The following MACF1 variants were observed in gnomAD, a reference collection of about 807,000 sequenced individuals.
MACF1 encodes the protein microtubule-actin cross-linking factor 1.
In MACF1, 193 loss-of-function variants were observed where a neutral mutation model predicts 854.8. The ratio of observed to expected loss-of-function variants is 0.23; its 90% CI spans 0.20 to 0.25. The LOEUF is 0.25. MACF1 is among the 10% of genes least tolerant of loss of function. The probability of loss-of-function intolerance (pLI) is 1.00; values close to 1 mark genes in which losing one functional copy is unlikely to be tolerated. For synonymous variants in MACF1, 3,185 were observed against 3,226.7 expected (o/e 0.99, Z 0.44); for missense variants, 7,722 against 8,929.1 (o/e 0.86, Z 5.45).
intron 31 of MACF1, 138 bp from the exon 32 acceptor site, chr1:39,322,470 T>A: frequency 1.5e-6 from 1 of 671,470 alleles, no homozygotes; most frequent in East Asian, 2.7e-5. Flanking sequence ...CTGTCTGGCC[T>A]TTTACAGGAA....
rs537125431 is a variant in MACF1 at position 39,327,126 on chromosome 1, A to G, written c.4479-92A>G. The stretch of plus-strand genomic sequence containing the variant: ...GAATATGGAAGAAGATCATCCATCC[A>G]AGATGAAGAAGTAGCAATTTTGAAG... On this transcript the variant is annotated intron_variant, in intron 35 of 100. Coordinates refer to ENST00000564288, the MANE Select transcript of MACF1 (RefSeq NM_001394062.1). 73 of 1,258,792 alleles carry G rather than the reference A, an allele frequency of 5.8e-5. 2 individuals carry two copies. The South Asian group carries it at 1.1e-3, about 19-fold the overall frequency. 78.0% of individuals were successfully genotyped at this position (1,258,792 alleles called of 1,614,324 possible). A position where few individuals can be genotyped will look rare whatever the true frequency, so the allele number is the denominator to read the frequency against.
Position 39,334,281 on chromosome 1 carries a change from C to T in MACF1, c.7693C>T (p.Leu2565Phe), listed in dbSNP as rs1177305469. 6.2e-6 allele frequency: 10 copies of T among 1,613,820 alleles called. No homozygotes were observed. The highest frequency in any genetic ancestry group is 7.6e-6 in the Non-Finnish European group (9 of 1,179,878). Residue 2565 changes from leucine (L) to phenylalanine (F), a missense_variant, in exon 37 of 101, where the codon CTT (leucine) becomes TTT (phenylalanine). Leu to Phe is a conservative substitution (Grantham distance 22). Around this residue, in one of 15 missense-constraint regions of MACF1, gnomAD observed 1,531 missense variants for 1,601.6 expected, o/e 0.96. Transcript: ENST00000564288. ...CCTCCCTAAAGCCATAAAATTAGAT[C>T]TTATTACCTCAGACCTGAAAAGAGA... ...ISLPKAIKLDLITSDLKREIQ... is the reference protein window; with the variant it reads ...ISLPKAIKLDFITSDLKREIQ...
intron 96 of MACF1, 132 bp downstream of exon 96, chr1:39,468,864 C>T (rs1053620804): frequency 2.5e-6 from 2 of 790,084 alleles, no homozygotes; most frequent in Non-Finnish European, 4.2e-6. Context: ...TGTCATCCCA[C>T]TAGCACAGAT....
At position 39,183,074 on chromosome 1, in the gene MACF1, A is replaced by G. The variant is rs146448258; in HGVS notation, c.221-48108A>G. ...GCTAACATGGATCAACCTTGAGAAC[A>G]TTAGACTAAGTGAAAGAAGCCAGAC... On this transcript the variant is annotated intron_variant, in intron 2 of 93. Transcript: ENST00000361689. Among the ~76,000 whole-genome samples the G allele has an allele frequency of 3.3e-3, 499 of 152,340 alleles. 7 individuals carry two copies. The highest frequency in any genetic ancestry group is 0.012 in the African/African-American group (487 of 41,578).
chr1:39,128,019 C>G (rs1461412768), intron 2 of MACF1, among the ~76,000 whole-genome samples: 2 of 152,200 alleles, frequency 1.3e-5, no homozygotes, highest in South Asian at 2.1e-4. Flanking sequence ...TTTTCTCCAC[C>G]TAGGCCCACT....
At chr1:39,253,634 C>T (rs1645066628) in intron 4 of MACF1, among the ~76,000 whole-genome samples, 1 of 151,502 alleles carries the variant, frequency 6.6e-6, no homozygotes, top group Non-Finnish European at 1.5e-5. Context: ...GTGCTTCAGC[C>T]TCCCAGATAT....
chr1:39,366,550 T>C (rs933749945), intron 49 of MACF1, among the ~76,000 whole-genome samples: 5 of 152,306 alleles, frequency 3.3e-5, no homozygotes, highest in Middle Eastern at 6.8e-3. Context: ...AGTTGATTAC[T>C]AAGATTGAGC....
At chr1:39,222,815 C>G (rs1164109248) in intron 1 of MACF1, among the ~76,000 whole-genome samples, 1 of 152,112 alleles carries the variant, frequency 6.6e-6, no homozygotes, top group Non-Finnish European at 1.5e-5. Flanking sequence ...TTCTGGGCTT[C>G]TTGAAGCACT....
At chr1:39,162,070 T>TC in intron 2 of MACF1, among the ~76,000 whole-genome samples, 1 of 151,668 alleles carries the variant, frequency 6.6e-6, no homozygotes, top group Admixed American at 6.6e-5. Flanking sequence ...TCTCTGTCTT[T>TC]TTTTTTTGCA....
upstream of MACF1, among the ~76,000 whole-genome samples, chr1:39,202,352 G>A (rs1236648839): frequency 6.6e-6 from 1 of 151,026 alleles, no homozygotes; most frequent in African/African-American, 2.4e-5. Context: ...TTGGCTAGGT[G>A]CTGGCCGGGC....
chr1:39,433,011 G>T (rs988831400), intron 67 of MACF1, 37 bp from the exon 68 acceptor site: 9 of 1,293,382 alleles, frequency 7.0e-6, no homozygotes, highest in Non-Finnish European at 9.9e-6. Flanking sequence ...CAGGAAAAGG[G>T]TCTTTTTACT....
Position 39,322,941 on chromosome 1 carries a change from T to C in MACF1, c.4169T>C (p.Leu1390Ser), listed in dbSNP as rs757426085. The C allele has an allele frequency of 6.2e-7, 1 of 1,614,148 alleles. No individual in the cohort carries two copies. Among genetic ancestry groups the C allele is most frequent in the South Asian group, 1.1e-5 (1 of 91,088 alleles). The change falls in exon 33 of 101, where the codon TTG becomes TCG. Residue 1390 changes from leucine to serine, a missense_variant. Leu to Ser is a moderately radical substitution (Grantham distance 145). This residue lies in a region of MACF1 where 1,137 missense variants were observed against 1,263.0 expected (regional missense o/e 0.90). Transcript: ENST00000564288. ...FMDLRTRYTA[L>S]VTLTTQHVKY... ...GACTTAAGGACTCGCTACACGGCAT[T>C]GGTGACTTTAACAACTCAGCACGTG...
In MACF1 at chr1:39,285,643, G is replaced by A; in HGVS notation, c.1393G>A (p.Glu465Lys). 1.2e-6 allele frequency: 2 copies of A among 1,614,068 alleles called. No individual in the cohort carries two copies. The highest frequency in any genetic ancestry group is 1.1e-5 in the South Asian group (1 of 91,080). ...HLESGQPVQC[E>K]SDVIMYIQEC... Reference sequence around the variant, plus strand: ...GGAATCAGGACAACCGGTACAATGTGAGTCAGATGTCATTATGTACATTCA... The same window carrying A: ...GGAATCAGGACAACCGGTACAATGTAAGTCAGATGTCATTATGTACATTCA... Residue 465 changes from glutamate (E) to lysine (K), a missense_variant, in exon 14 of 101, where the codon GAG (glutamate) becomes AAG (lysine). Around this residue, in one of 15 missense-constraint regions of MACF1, gnomAD observed 1,137 missense variants for 1,263.0 expected, o/e 0.90. Coordinates refer to ENST00000564288, the MANE Select transcript of MACF1 (RefSeq NM_001394062.1).
chr1:39,201,329 CAGT>C (rs1557514907), upstream of MACF1, among the ~76,000 whole-genome samples: 1 of 152,068 alleles, frequency 6.6e-6, no homozygotes, highest in East Asian at 1.9e-4. Context: ...TCTTATCTCT[CAGT>C]AGTATGATCT....
chr1:39,434,188 A>G (rs1433277464), intron 68 of MACF1, among the ~76,000 whole-genome samples: 1 of 152,104 alleles, frequency 6.6e-6, no homozygotes, highest in Non-Finnish European at 1.5e-5. Flanking sequence ...TTAAACTTTT[A>G]TCTTTTAAAA....
At chr1:39,257,714 A>C (rs780095109) in intron 5 of MACF1, 96 of 486,070 alleles carry the variant, frequency 2.0e-4, no homozygotes, top group Non-Finnish European at 3.1e-4. Flanking sequence ...GGGTGAGAGT[A>C]GGGTTTGATT....
At chr1:39,441,839 A>G in intron 74 of MACF1, 113 bp from the exon 75 acceptor site, 1 of 750,518 alleles carries the variant, frequency 1.3e-6, no homozygotes, top group Non-Finnish European at 2.3e-6. Flanking sequence ...GAAATCACAA[A>G]CAGCACAAGG....
chr1:39,194,402 G>A (rs1313734642), intron 2 of MACF1, among the ~76,000 whole-genome samples: 1 of 134,570 alleles, frequency 7.4e-6, no homozygotes, highest in African/African-American at 2.9e-5. Context: ...TTCCCAAGCT[G>A]GAGTGCAGTG....
chr1:39,371,880 C>G (rs1649281071), intron 51 of MACF1, among the ~76,000 whole-genome samples: 1 of 150,284 alleles, frequency 6.7e-6, no homozygotes, highest in South Asian at 2.1e-4. Context: ...GTGGCATGAT[C>G]TCGGCTCACT....
Sources: gnomAD v4.1 joint callset for allele counts (sites outside exome capture counted in the v4.1 genomes callset) on GRCh38, gnomAD v4.1.1 for gene constraint, gnomAD v4.1.1 regional missense constraint, MANE v1.5 for transcripts, NCBI Gene and HGNC (gene_info 2026-07-23, HGNC 2026-07-21) for gene names.